The following COP1 variants were observed in gnomAD, a reference collection of about 807,000 sequenced individuals.
The protein encoded by COP1 is COP1 E3 ubiquitin ligase.
A neutral mutation model predicts 101.3 loss-of-function variants in COP1; 24 were observed. That is an observed-to-expected ratio of 0.24 (90% CI 0.17 to 0.33). The LOEUF (loss-of-function observed/expected upper bound fraction) is 0.33. COP1 is among the 10% of genes least tolerant of loss of function. The pLI, the probability that COP1 is intolerant of heterozygous loss-of-function variation, is 1.00. For synonymous variants in COP1, 347 were observed against 341.9 expected, an observed-to-expected ratio of 1.01 and a Z score of -0.17; for missense variants, 663 against 906.2, an observed-to-expected ratio of 0.73 and a Z score of 3.45.
At chr1:175,963,102 T>G (rs1410225553) in intron 18 of COP1, among the ~76,000 whole-genome samples, 1 of 152,090 alleles carries the variant, frequency 6.6e-6, no homozygotes, top group Non-Finnish European at 1.5e-5. Flanking sequence ...AATAATTAAA[T>G]TATTTAATAA....
At chr1:176,125,262 A>T (rs12047295) in intron 8 of COP1, among the ~76,000 whole-genome samples, 44,334 of 151,906 alleles carry the variant, frequency 0.29, 7,789 homozygotes, top group Middle Eastern at 0.39. Flanking sequence ...TTAACTTGAT[A>T]TGGTACCTTT....
chr1:176,066,735 T>C (rs1160946247), intron 11 of COP1, among the ~76,000 whole-genome samples: 2 of 152,170 alleles, frequency 1.3e-5, no homozygotes, highest in African/African-American at 4.8e-5. Context: ...CAAATTTCAC[T>C]ATGAAATTCC....
chr1:176,120,241 T>C (rs1159185938), intron 8 of COP1, among the ~76,000 whole-genome samples: 5 of 151,972 alleles, frequency 3.3e-5, no homozygotes, highest in Non-Finnish European at 7.4e-5. Context: ...GCCAACATGG[T>C]GAAACCCCAA....
chr1:176,066,974 T>C (rs1277126147), intron 11 of COP1, among the ~76,000 whole-genome samples: 3 of 152,302 alleles, frequency 2.0e-5, no homozygotes, highest in Admixed American at 1.3e-4. Flanking sequence ...CTGGTACACA[T>C]GCAACCCACT....
chr1:176,150,263 C>A (rs1268830082), intron 5 of COP1, among the ~76,000 whole-genome samples: 1 of 152,080 alleles, frequency 6.6e-6, no homozygotes, highest in Non-Finnish European at 1.5e-5. Context: ...ACGTAATTTA[C>A]AAGTCAAGGC....
intron 12 of COP1, among the ~76,000 whole-genome samples, chr1:176,044,209 C>T (rs7549160): frequency 0.28 from 42,325 of 151,996 alleles, 6,729 homozygotes; most frequent in East Asian, 0.49. Flanking sequence ...TCCAGTTGTG[C>T]CAAATCATAT....
chr1:176,149,332 C>T (rs748123420), intron 5 of COP1, among the ~76,000 whole-genome samples: 27 of 151,988 alleles, frequency 1.8e-4, no homozygotes, highest in Admixed American at 1.4e-3. Context: ...AATCTTTTCA[C>T]GGATAATGGC....
chr1:176,188,382 A>G (rs529789372), intron 1 of COP1, among the ~76,000 whole-genome samples: 1 of 152,338 alleles, frequency 6.6e-6, no homozygotes, highest in Non-Finnish European at 1.5e-5. Context: ...AATACCATTA[A>G]TTCTTTCCAA....
intron 5 of COP1, chr1:176,160,234 G>C: frequency 2.8e-6 from 1 of 355,574 alleles, no homozygotes. Context: ...ATCTGCTTTT[G>C]GTATGGTAGC....
intron 15 of COP1, among the ~76,000 whole-genome samples, chr1:175,992,320 G>T (rs933765970): frequency 6.6e-6 from 1 of 152,210 alleles, no homozygotes; most frequent in Non-Finnish European, 1.5e-5. Context: ...AGTGAGCGAC[G>T]CAGAAGACGG....
chr1:176,032,283 T>C (rs923344849), intron 14 of COP1, among the ~76,000 whole-genome samples: 3 of 152,216 alleles, frequency 2.0e-5, no homozygotes, highest in African/African-American at 4.8e-5. Context: ...TGTATTGTTT[T>C]ATACCTCTAT....
chr1:176,045,569 C>G (rs1327312509), intron 12 of COP1, among the ~76,000 whole-genome samples: 4 of 130,274 alleles, frequency 3.1e-5, no homozygotes, highest in Admixed American at 8.4e-5. Flanking sequence ...GCTTGGGAAG[C>G]TTGTTTAGAA....
At chr1:176,052,714 T>C (rs116985956) in intron 11 of COP1, among the ~76,000 whole-genome samples, 5 of 152,310 alleles carry the variant, frequency 3.3e-5, no homozygotes, top group East Asian at 3.9e-4. Context: ...GCCCTCTCTG[T>C]AGGCAACCAA....
At chr1:176,147,981 GCT>G (rs1440906557) in intron 6 of COP1, among the ~76,000 whole-genome samples, 1 of 151,924 alleles carries the variant, frequency 6.6e-6, no homozygotes, top group African/African-American at 2.4e-5. Flanking sequence ...CTCACCACAA[GCT>G]CCGTAACAGG....
At chr1:176,067,854 AC>A (rs1280716104) in intron 11 of COP1, among the ~76,000 whole-genome samples, 2 of 152,132 alleles carry the variant, frequency 1.3e-5, no homozygotes, top group Admixed American at 6.5e-5. Flanking sequence ...GTAAACGTTT[AC>A]CCCCAGACAC....
intron 18 of COP1, among the ~76,000 whole-genome samples, chr1:175,986,014 T>C (rs575597660): frequency 6.6e-6 from 1 of 152,132 alleles, no homozygotes; most frequent in African/African-American, 2.4e-5. Flanking sequence ...TAAATCAAGA[T>C]AGTAACAAGA....
chr1:175,973,343 TA>T (rs775623759), intron 18 of COP1, among the ~76,000 whole-genome samples: 128 of 152,224 alleles, frequency 8.4e-4, no homozygotes, highest in Non-Finnish European at 1.6e-3. Context: ...CCTAAACTTC[TA>T]TAGTTTGCAT....
At chr1:176,175,003 A>T (rs1353940107) in intron 3 of COP1, among the ~76,000 whole-genome samples, 1 of 152,098 alleles carries the variant, frequency 6.6e-6, no homozygotes, top group East Asian at 1.9e-4. Context: ...ATACTTAAGG[A>T]TTCCCTATTC....
chr1:175,973,529 CA>C (rs1653783437), intron 18 of COP1, among the ~76,000 whole-genome samples: 1 of 152,088 alleles, frequency 6.6e-6, no homozygotes, highest in African/African-American at 2.4e-5. Context: ...TTACTGTTTA[CA>C]AAGTGGTGGA....
Sources: gnomAD v4.1 joint callset for allele counts (sites outside exome capture counted in the v4.1 genomes callset) on GRCh38, gnomAD v4.1.1 for gene constraint, MANE v1.5 for transcripts, NCBI Gene and HGNC (gene_info 2026-07-23, HGNC 2026-07-21) for gene names.